The following PTPRR variants were observed in gnomAD, a reference collection of about 807,000 sequenced individuals.
The protein encoded by PTPRR is protein tyrosine phosphatase receptor type R.
Under a neutral mutation model 77.2 loss-of-function variants are expected in PTPRR, and 38 were observed. The ratio of observed to expected loss-of-function variants is 0.49; its 90% CI spans 0.38 to 0.65. The LOEUF (loss-of-function observed/expected upper bound fraction) is 0.65. Ranked by LOEUF, PTPRR falls within the 30% of genes least tolerant of loss-of-function variation. PTPRR has a pLI of 0.00. For synonymous variants in PTPRR, 299 were observed against 283.1 expected (o/e 1.06, Z -0.57); for missense variants, 744 against 799.2 (o/e 0.93, Z 0.83).
At chr12:70,908,650 G>A (rs1893658809) in intron 1 of PTPRR, among the ~76,000 whole-genome samples, 1 of 152,188 alleles carries the variant, frequency 6.6e-6, no homozygotes, top group South Asian at 2.1e-4. Flanking sequence ...AGACTTGGGT[G>A]AGGACACAGC....
intron 10 of PTPRR, among the ~76,000 whole-genome samples, chr12:70,678,961 C>T (rs369360000): frequency 1.3e-5 from 2 of 152,186 alleles, no homozygotes; most frequent in East Asian, 1.9e-4. Context: ...GGATTACAAG[C>T]GTAAGCCACG....
Position 70,662,484 on chromosome 12 carries a change from C to T in PTPRR, c.1608+11G>A, listed in dbSNP as rs1886831149. ...TCTACTTTGTAGATGGCTATAGCTA[C>T]ATAATCTTACCTTTAAGACAAGGTT... On this transcript the variant is annotated intron_variant, in intron 11 of 13. Coordinates refer to ENST00000283228, the MANE Select transcript of PTPRR (RefSeq NM_002849.4). 1.3e-6 allele frequency: 2 copies of T among 1,525,916 alleles called. No homozygotes were observed. Among genetic ancestry groups the T allele is most frequent in the East Asian group, 2.3e-5 (1 of 44,234 alleles). 94.5% of individuals were successfully genotyped at this position (1,525,916 alleles called of 1,614,324 possible). A position where few individuals can be genotyped will look rare whatever the true frequency, so the allele number is the denominator to read the frequency against.
intron 2 of PTPRR, among the ~76,000 whole-genome samples, chr12:70,868,683 C>T (rs1478098148): frequency 6.6e-6 from 1 of 152,056 alleles, no homozygotes; most frequent in Non-Finnish European, 1.5e-5. Context: ...CATCCCATTA[C>T]TGGGTATATA....
chr12:70,658,915 T>TTA (rs1886689458), intron 12 of PTPRR, among the ~76,000 whole-genome samples: 5 of 124,710 alleles, frequency 4.0e-5, no homozygotes, highest in Admixed American at 7.9e-5. Flanking sequence ...TTTTTTTTTT[T>TTA]ATAAGACAGA....
At chr12:70,859,184 G>A (rs578244611) in intron 2 of PTPRR, among the ~76,000 whole-genome samples, 1 of 152,082 alleles carries the variant, frequency 6.6e-6, no homozygotes, top group East Asian at 1.9e-4. Flanking sequence ...ATGACTGGTT[G>A]TTAAGGGGAG....
intron 8 of PTPRR, among the ~76,000 whole-genome samples, chr12:70,690,766 A>G (rs957401814): frequency 2.0e-4 from 31 of 152,340 alleles, no homozygotes; most frequent in African/African-American, 7.5e-4. Context: ...CTTAAATTCT[A>G]AAATCACTTT....
chr12:70,811,199 G>C (rs528532583), intron 2 of PTPRR, among the ~76,000 whole-genome samples: 1 of 152,118 alleles, frequency 6.6e-6, no homozygotes, highest in East Asian at 1.9e-4. Context: ...ACAAGGAAAG[G>C]TACTGTTCTG....
intron 13 of PTPRR, among the ~76,000 whole-genome samples, chr12:70,656,095 A>G (rs1378663406): frequency 6.6e-6 from 1 of 152,054 alleles, no homozygotes; most frequent in Non-Finnish European, 1.5e-5. Flanking sequence ...GTGCTCGCCT[A>G]TAGTCCCAGC....
chr12:70,656,950 G>T (rs1886606949), intron 12 of PTPRR, 133 bp from the exon 13 acceptor site: 1 of 588,088 alleles, frequency 1.7e-6, no homozygotes, highest in Non-Finnish European at 3.0e-6. Flanking sequence ...TTATAAACCT[G>T]GCCCTGTGCT....
At chr12:70,845,215 G>A (rs983410743) in intron 2 of PTPRR, among the ~76,000 whole-genome samples, 1 of 78,214 alleles carries the variant, frequency 1.3e-5, no homozygotes, top group African/African-American at 1.0e-4. Flanking sequence ...CAAAAGTGGA[G>A]GGAGAAAAGA....
chr12:70,745,879 T>C lies in PTPRR; in HGVS notation c.946A>G (p.Thr316Ala). 1 of 1,614,084 alleles carries C rather than the reference T, an allele frequency of 6.2e-7. No homozygotes were observed. Among genetic ancestry groups the C allele is most frequent in the South Asian group, 1.1e-5 (1 of 91,074 alleles). ...GAAGGGCAAACAGAGGTAGCGGTGGTAGCTTTGATCTCAGGAGCACCTCGG... is the reference window on the plus strand; with the variant it reads ...GAAGGGCAAACAGAGGTAGCGGTGGCAGCTTTGATCTCAGGAGCACCTCGG... The part of the protein sequence containing the change: ...QGRGAPEIKA[T>A]TATSVCPSPF... The change falls in exon 6 of 14, where the codon ACC (threonine) becomes GCC (alanine). Residue 316 changes from threonine to alanine, a missense_variant. Physicochemically the swap from Thr to Ala is moderately conservative, Grantham distance 58. Around this residue, in one of 3 missense-constraint regions of PTPRR, gnomAD observed 570 missense variants for 573.2 expected, o/e 0.99. Transcript: ENST00000283228.
intron 6 of PTPRR, among the ~76,000 whole-genome samples, chr12:70,729,164 A>T (rs1378180497): frequency 6.6e-6 from 1 of 152,216 alleles, no homozygotes; most frequent in Non-Finnish European, 1.5e-5. Flanking sequence ...AATATATTCA[A>T]ATACACCATA....
At chr12:70,757,595 T>C (rs1890592670) in intron 4 of PTPRR, among the ~76,000 whole-genome samples, 1 of 152,178 alleles carries the variant, frequency 6.6e-6, no homozygotes, top group Non-Finnish European at 1.5e-5. Flanking sequence ...TTGGGTTTTT[T>C]TGTTTCTGAA....
intron 6 of PTPRR, among the ~76,000 whole-genome samples, chr12:70,717,095 C>CTA (rs1889059754): frequency 6.6e-6 from 1 of 152,152 alleles, no homozygotes. Context: ...CTCTAACATA[C>CTA]TATTCTTCCT....
intron 13 of PTPRR, among the ~76,000 whole-genome samples, chr12:70,654,918 T>A (rs1015780878): frequency 6.6e-6 from 1 of 152,228 alleles, no homozygotes; most frequent in Non-Finnish European, 1.5e-5. Flanking sequence ...GTGCTGAGAT[T>A]ACAGGCGAGA....
At chr12:70,651,160 C>T (rs960499323) in intron 13 of PTPRR, among the ~76,000 whole-genome samples, 1 of 152,320 alleles carries the variant, frequency 6.6e-6, no homozygotes, top group East Asian at 1.9e-4. Context: ...TGAAGGACCT[C>T]GCCATGGCGT....
chr12:70,707,119 G>T (rs568120191), intron 6 of PTPRR, among the ~76,000 whole-genome samples: 25 of 152,090 alleles, frequency 1.6e-4, no homozygotes, highest in African/African-American at 6.0e-4. Context: ...CAAAATCAAT[G>T]GTCGTCTAAG....
chr12:70,668,557 T>C (rs1264846273), intron 10 of PTPRR, among the ~76,000 whole-genome samples: 1 of 152,162 alleles, frequency 6.6e-6, no homozygotes, highest in Non-Finnish European at 1.5e-5. Flanking sequence ...GAAGATATAT[T>C]TTCATTTTAT....
At chr12:70,749,670 G>T (rs186916320) in intron 5 of PTPRR, among the ~76,000 whole-genome samples, 7 of 152,230 alleles carry the variant, frequency 4.6e-5, no homozygotes, top group Admixed American at 3.3e-4. Flanking sequence ...GCTATAGCAG[G>T]TGGTTCAATG....
Sources: gnomAD v4.1 joint callset for allele counts (sites outside exome capture counted in the v4.1 genomes callset) on GRCh38, gnomAD v4.1.1 for gene constraint, gnomAD v4.1.1 regional missense constraint, MANE v1.5 for transcripts, NCBI Gene and HGNC (gene_info 2026-07-23, HGNC 2026-07-21) for gene names.